Variants in FAT3 observed in about 807,000 individuals in gnomAD.
FAT3 encodes the protein protocadherin Fat 3.
FAT3 carries 95 observed loss-of-function variants against 310.2 expected under a neutral mutation model. That is an observed-to-expected ratio of 0.31 (90% confidence interval 0.26 to 0.36). FAT3 has a LOEUF of 0.36. Among genes scored for constraint, FAT3 ranks in the 10% least tolerant of loss-of-function variants. The pLI, the probability that FAT3 is intolerant of heterozygous loss-of-function variation, is 1.00. For synonymous variants in FAT3, 2,314 were observed against 2,192.9 expected (o/e 1.06, Z -1.54); for missense variants, 5,408 against 5,715.6 (o/e 0.95, Z 1.74).
chr11:92,362,059 T>C (rs1948894717), intron 2 of FAT3, among the ~76,000 whole-genome samples: 1 of 152,220 alleles, frequency 6.6e-6, no homozygotes, highest in South Asian at 2.1e-4. Context: ...TTCTTTTTTT[T>C]CTATATCTGG....
At chr11:92,616,045 T>C (rs925392378) in intron 3 of FAT3, among the ~76,000 whole-genome samples, 9 of 152,188 alleles carry the variant, frequency 5.9e-5, no homozygotes, top group Non-Finnish European at 1.0e-4. Flanking sequence ...TAACTTTCTG[T>C]CTCATTGATC....
intron 3 of FAT3, among the ~76,000 whole-genome samples, chr11:92,683,672 T>C (rs1205771359): frequency 1.3e-5 from 2 of 152,174 alleles, no homozygotes; most frequent in East Asian, 1.9e-4. Context: ...CCCCAGTGCC[T>C]AGCCAGTGGT....
intron 2 of FAT3, among the ~76,000 whole-genome samples, chr11:92,414,909 C>G (rs1950373904): frequency 6.6e-6 from 1 of 151,842 alleles, no homozygotes; most frequent in Admixed American, 6.6e-5. Context: ...ACTCCGGAGG[C>G]TGAGGCAGGA....
intron 10 of FAT3, among the ~76,000 whole-genome samples, chr11:92,803,379 C>T (rs1947418776): frequency 6.6e-6 from 1 of 152,192 alleles, no homozygotes; most frequent in African/African-American, 2.4e-5. Flanking sequence ...CTTGGCTGTG[C>T]TGCCTCCAAT....
chr11:92,814,282 T>C (rs1375108207), intron 13 of FAT3, among the ~76,000 whole-genome samples: 2 of 152,246 alleles, frequency 1.3e-5, no homozygotes, highest in Non-Finnish European at 2.9e-5. Flanking sequence ...ATCTGAAATC[T>C]GACTCTGTGA....
At chr11:92,447,182 T>C (rs532381269) in intron 2 of FAT3, among the ~76,000 whole-genome samples, 1 of 151,648 alleles carries the variant, frequency 6.6e-6, no homozygotes, top group Non-Finnish European at 1.5e-5. Context: ...CATATGTGTG[T>C]GTATATGTGT....
chr11:92,561,845 C>T (rs1345217437), intron 3 of FAT3, among the ~76,000 whole-genome samples: 2 of 152,050 alleles, frequency 1.3e-5, no homozygotes, highest in Admixed American at 6.6e-5. Context: ...ACGCTGATCT[C>T]GAACACCTGG....
intron 3 of FAT3, among the ~76,000 whole-genome samples, chr11:92,554,461 C>CAAAAAAAAAA (rs56918849): frequency 3.6e-5 from 2 of 55,026 alleles, no homozygotes; most frequent in African/African-American, 1.7e-4. Flanking sequence ...GACTCCATCT[C>CAAAAAAAAAA]AAAAAAAAAA....
At position 92,844,693 on chromosome 11, in the gene FAT3, T is replaced by G; in HGVS notation, c.11326T>G (p.Cys3776Gly). The change falls in exon 19 of 28, where the codon TGT becomes GGT. Residue 3776 changes from cysteine to glycine, a missense_variant. Cys to Gly is a radical substitution (Grantham distance 159, BLOSUM62 -3). Coordinates refer to ENST00000525166, the MANE Select transcript of FAT3 (RefSeq NM_001367949.2). ...TYSTARISFV[C>G]PRFYRNVRCT... is the part of the protein sequence containing the mutation. The stretch of plus-strand genomic sequence containing the variant: ...CAGCACGGCTCGCATCAGCTTTGTG[T>G]GTCCGCGTTTCTACAGGAACGTGCG... 6.3e-7 allele frequency: 1 copy of G among 1,577,928 alleles called. No individual in the cohort carries two copies. Among genetic ancestry groups the G allele is most frequent in the Non-Finnish European group, 8.6e-7 (1 of 1,157,642 alleles).
intron 1 of FAT3, among the ~76,000 whole-genome samples, chr11:92,258,877 G>A (rs1469431988): frequency 1.3e-5 from 2 of 151,944 alleles, no homozygotes; most frequent in Admixed American, 6.6e-5. Context: ...AAGGCCTTGT[G>A]GAAGAGCCAA....
At chr11:92,579,540 A>G (rs1207443080) in intron 3 of FAT3, among the ~76,000 whole-genome samples, 1 of 152,080 alleles carries the variant, frequency 6.6e-6, no homozygotes, top group African/African-American at 2.4e-5. Context: ...TCTATCATAT[A>G]TTGTAGTTAT....
chr11:92,509,172 G>A (rs1168814650), intron 2 of FAT3, among the ~76,000 whole-genome samples: 1 of 152,068 alleles, frequency 6.6e-6, no homozygotes, highest in East Asian at 1.9e-4. Flanking sequence ...CATGGTAAAT[G>A]ATAGTATTTT....
intron 1 of FAT3, among the ~76,000 whole-genome samples, chr11:92,275,319 C>T (rs191663316): frequency 2.0e-5 from 3 of 152,060 alleles, no homozygotes; most frequent in African/African-American, 2.4e-5. Flanking sequence ...TAGCCACTTA[C>T]ATTTAACACC....
In FAT3 at chr11:92,229,492, G is replaced by GTTTTTTT. The variant is rs780129800; in HGVS notation, c.-18+4326_-18+4332dup. ...TTGTTTTCTTTTTTTGTTTTTTCGT[G>GTTTTTTT]TTTTTTTTTTTTTTGTTTTTTGTTT... On this transcript the variant is annotated intron_variant, in intron 1 of 27. Coordinates refer to ENST00000525166, the MANE Select transcript of FAT3 (RefSeq NM_001367949.2). 1.1e-3 allele frequency among the ~76,000 whole-genome samples: 68 copies of GTTTTTTT among 60,226 alleles called. 5 individuals are homozygous for GTTTTTTT. The highest frequency in any genetic ancestry group is 3.5e-3 in the African/African-American group (59 of 16,852). 39.5% of individuals were successfully genotyped at this position (60,226 alleles called of 152,430 possible).
intron 7 of FAT3, among the ~76,000 whole-genome samples, chr11:92,782,145 CAAT>C (rs376897409): frequency 1.3e-5 from 2 of 151,660 alleles, no homozygotes; most frequent in East Asian, 1.9e-4. Flanking sequence ...CTTATTTCTG[CAAT>C]AATAATAATA....
intron 3 of FAT3, among the ~76,000 whole-genome samples, chr11:92,679,807 A>G (rs1943417825): frequency 7.7e-6 from 1 of 130,478 alleles, no homozygotes; most frequent in Non-Finnish European, 1.5e-5. Context: ...GTGCCACTAC[A>G]CTCCAGCCTG....
At chr11:92,769,999 T>G (rs988216818) in intron 6 of FAT3, among the ~76,000 whole-genome samples, 1 of 152,184 alleles carries the variant, frequency 6.6e-6, no homozygotes. Flanking sequence ...TCTTCCCTAA[T>G]CAGGTGGCTG....
intron 2 of FAT3, among the ~76,000 whole-genome samples, chr11:92,450,434 A>G (rs1342952310): frequency 2.6e-5 from 4 of 152,024 alleles, no homozygotes; most frequent in African/African-American, 7.2e-5. Flanking sequence ...TATGATTCCC[A>G]TTAGGAGGCT....
intron 21 of FAT3, among the ~76,000 whole-genome samples, chr11:92,864,481 C>G (rs1949189461): frequency 6.6e-6 from 1 of 152,184 alleles, no homozygotes; most frequent in Non-Finnish European, 1.5e-5. Context: ...TCTACTCATT[C>G]AATTTTGTGG....
Sources: gnomAD v4.1 joint callset for allele counts (sites outside exome capture counted in the v4.1 genomes callset) on GRCh38, gnomAD v4.1.1 for gene constraint, MANE v1.5 for transcripts, NCBI Gene and HGNC (gene_info 2026-07-23, HGNC 2026-07-21) for gene names.